The following NOX4 variants were observed in gnomAD, a reference collection of about 807,000 sequenced individuals.
NOX4 encodes kidney oxidase-1.
A neutral mutation model predicts 87.6 loss-of-function variants in NOX4; 69 were observed. The observed-to-expected ratio is 0.79, with a 90% confidence interval of 0.65 to 0.96. The LOEUF (loss-of-function observed/expected upper bound fraction) is 0.96. Ranked by LOEUF, NOX4 falls within the 40% of genes least tolerant of loss-of-function variation. NOX4 has a pLI of 0.00. For missense variants in NOX4, 680 were observed against 681.5 expected (o/e 1.00, Z 0.02); for synonymous variants, 275 against 238.2 (o/e 1.15, Z -1.42).
chr11:89,561,158 A>C, the NOX4 span, among the ~76,000 whole-genome samples: 667 of 144,284 alleles, frequency 4.6e-3, 6 homozygotes, highest in African/African-American at 0.016. Context: ...CCTCTCTTTC[A>C]AAGTTTGTTC....
intron 11 of NOX4, 87 bp from the exon 12 acceptor site, chr11:89,373,579 G>A (rs1316467363): frequency 1.6e-5 from 13 of 835,994 alleles, no homozygotes; most frequent in Non-Finnish European, 2.4e-5. Flanking sequence ...CTGATAGCAA[G>A]TCCCCCATAT....
intron 8 of NOX4, among the ~76,000 whole-genome samples, chr11:89,414,729 C>T (rs934662217): frequency 1.4e-4 from 21 of 151,632 alleles, no homozygotes; most frequent in African/African-American, 4.6e-4. Context: ...TCAGGCAGCA[C>T]CATAAAGAAG....
At chr11:89,441,292 TG>T (rs1944443247) in intron 5 of NOX4, among the ~76,000 whole-genome samples, 1 of 152,182 alleles carries the variant, frequency 6.6e-6, no homozygotes, top group East Asian at 1.9e-4. Context: ...GCTAAAATAT[TG>T]TATGATTTCC....
intron 13 of NOX4, 21 bp downstream of exon 13, chr11:89,354,941 C>A: frequency 6.6e-7 from 1 of 1,518,464 alleles, no homozygotes; most frequent in South Asian, 1.1e-5. Context: ...CATCAAAACC[C>A]AGTGAACTCC....
chr11:89,407,371 A>G (rs1455132694), intron 8 of NOX4, among the ~76,000 whole-genome samples: 2 of 152,108 alleles, frequency 1.3e-5, no homozygotes, highest in Non-Finnish European at 2.9e-5. Context: ...GGAGGTGCAC[A>G]GACTATGTGG....
chr11:89,350,243 C>T (rs1946399495), intron 13 of NOX4, among the ~76,000 whole-genome samples: 1 of 152,138 alleles, frequency 6.6e-6, no homozygotes, highest in Non-Finnish European at 1.5e-5. Context: ...GAAGAGTGTT[C>T]CCAAGCACCA....
At chr11:89,552,131 T>C in the NOX4 span, among the ~76,000 whole-genome samples, 20 of 152,176 alleles carry the variant, frequency 1.3e-4, no homozygotes, top group Non-Finnish European at 2.6e-4. Flanking sequence ...TAAAGTTAAT[T>C]TCTCAAGAAA....
At chr11:89,503,052 C>A (rs1361312793), upstream of NOX4, among the ~76,000 whole-genome samples, 1 of 152,012 alleles carries the variant, frequency 6.6e-6, no homozygotes, top group African/African-American at 2.4e-5. Flanking sequence ...ATCTTTATTT[C>A]TTTGTCCTAG....
chr11:89,491,284 G>T lies in NOX4; in HGVS notation c.-38C>A. The T allele has an allele frequency of 6.3e-7, 1 of 1,592,916 alleles. No individual in the cohort carries two copies. The highest frequency in any genetic ancestry group is 1.1e-5 in the South Asian group (1 of 89,308). On this transcript the variant is annotated 5_prime_UTR_variant, in exon 1 of 18. Transcript: ENST00000263317. Reference sequence around the variant, plus strand: ...GCCGCGCTGCGCTCTGTGCCCGCCGGACCGAGAAGGAGCGGGCGGCGGCCG... The same window carrying T: ...GCCGCGCTGCGCTCTGTGCCCGCCGTACCGAGAAGGAGCGGGCGGCGGCCG...
At chr11:89,575,266 T>C in the NOX4 span, among the ~76,000 whole-genome samples, 6 of 119,296 alleles carry the variant, frequency 5.0e-5, no homozygotes, top group African/African-American at 1.2e-4. Context: ...TGGAGGTACA[T>C]TGTAGTAAGT....
chr11:89,528,944 C>T, the NOX4 span, among the ~76,000 whole-genome samples: 1 of 152,164 alleles, frequency 6.6e-6, no homozygotes, highest in Non-Finnish European at 1.5e-5. Context: ...AGCAACAATT[C>T]TCACAAGTCC....
At chr11:89,407,976 TTATAA>T (rs559171756) in intron 8 of NOX4, among the ~76,000 whole-genome samples, 62 of 123,340 alleles carry the variant, frequency 5.0e-4, no homozygotes, top group Non-Finnish European at 8.2e-4. Flanking sequence ...TCCTAATATT[TTATAA>T]TATGATTTTT....
chr11:89,360,742 A>C (rs922038846), intron 12 of NOX4, among the ~76,000 whole-genome samples: 5 of 152,072 alleles, frequency 3.3e-5, no homozygotes, highest in African/African-American at 1.2e-4. Context: ...AAGGAATTAA[A>C]ACAAATCAAC....
At chr11:89,532,071 A>G in the NOX4 span, among the ~76,000 whole-genome samples, 1 of 152,208 alleles carries the variant, frequency 6.6e-6, no homozygotes, top group African/African-American at 2.4e-5. Flanking sequence ...TGTCCAGGCC[A>G]TATGGAGAAC....
chr11:89,502,631 G>A (rs746428104), upstream of NOX4, among the ~76,000 whole-genome samples: 15 of 151,824 alleles, frequency 9.9e-5, no homozygotes, highest in African/African-American at 2.4e-4. Flanking sequence ...TGGAATTTTC[G>A]TGTTACAGTA....
intron 14 of NOX4, among the ~76,000 whole-genome samples, chr11:89,341,124 CTTTT>C (rs994563200): frequency 8.1e-6 from 1 of 123,956 alleles, no homozygotes. Flanking sequence ...ACAATTTCAC[CTTTT>C]TTTTTTTTTT....
the NOX4 span, among the ~76,000 whole-genome samples, chr11:89,520,251 A>G: frequency 3.8e-3 from 584 of 152,216 alleles, 5 homozygotes; most frequent in Middle Eastern, 0.014. Context: ...TGCTATATGT[A>G]AAGATGTATA....
chr11:89,430,187 A>T, intron 7 of NOX4, among the ~76,000 whole-genome samples: 1 of 152,196 alleles, frequency 6.6e-6, no homozygotes, highest in Non-Finnish European at 1.5e-5. Flanking sequence ...TAAATTAGGG[A>T]TTGATGGGAC....
chr11:89,351,268 A>C (rs1245396945), intron 13 of NOX4, among the ~76,000 whole-genome samples: 1 of 152,224 alleles, frequency 6.6e-6, no homozygotes, highest in Non-Finnish European at 1.5e-5. Flanking sequence ...GAAGGCTGAC[A>C]GAGATGTGGA....
Sources: gnomAD v4.1 joint callset for allele counts (sites outside exome capture counted in the v4.1 genomes callset) on GRCh38, gnomAD v4.1.1 for gene constraint, MANE v1.5 for transcripts, NCBI Gene and HGNC (gene_info 2026-07-23, HGNC 2026-07-21) for gene names.